BAHCC1: variants seen among roughly 807,000 people sequenced by gnomAD.
BAHCC1 encodes the protein BAH domain and coiled-coil containing 1, also known as BAH and coiled-coil domain-containing protein 1.
A neutral mutation model predicts 88.2 loss-of-function variants in BAHCC1; 43 were observed. The observed-to-expected ratio is 0.49, with a 90% CI of 0.38 to 0.63. The LOEUF (loss-of-function observed/expected upper bound fraction) is 0.63, where lower values mean the gene tolerates loss of function less well. Among genes scored for constraint, BAHCC1 ranks in the 20% least tolerant of loss-of-function variants. BAHCC1 has a pLI of 0.00. For synonymous variants in BAHCC1, 1,510 were observed against 745.5 expected (o/e 2.03, Z -16.71); for missense variants, 3,023 against 1,654.8 (o/e 1.83, Z -14.34).
At chr17:81,444,079 C>G in intron 6 of BAHCC1, 162 bp downstream of exon 6, 1 of 610,586 alleles carries the variant, frequency 1.6e-6, no homozygotes. Context: ...TTTCTGGAGT[C>G]TCACCCGGGG....
intron 2 of BAHCC1, among the ~76,000 whole-genome samples, chr17:81,414,323 G>T (rs982096047): frequency 6.6e-6 from 1 of 152,244 alleles, no homozygotes; most frequent in Non-Finnish European, 1.5e-5. Flanking sequence ...TCAGGAGGGC[G>T]CTGGTTCTCC....
Position 81,458,369 on chromosome 17 carries a change from C to T in BAHCC1, c.5246C>T (p.Ser1749Phe), listed in dbSNP as rs530913794. 4 of 725,636 alleles carry T rather than the reference C, an allele frequency of 5.5e-6. No individual in the cohort carries two copies. Among genetic ancestry groups the T allele is most frequent in the African/African-American group, 5.2e-5 (3 of 57,870 alleles). The allele number at this position is 725,636 out of a possible 1,614,324, so 44.9% of individuals were successfully genotyped here. A position where few individuals can be genotyped will look rare whatever the true frequency, so the allele number is the denominator to read the frequency against. Residue 1749 changes from serine (S) to phenylalanine (F), a missense_variant, in exon 18 of 28, where the codon TCT becomes TTT. Ser to Phe is a radical substitution (Grantham distance 155, BLOSUM62 -2). Transcript: ENST00000675386. ...TPSRDALFNPSRAFACREEGS... is the reference protein window; with the variant it reads ...TPSRDALFNPFRAFACREEGS... ...AGCAGGGACGCCCTCTTCAACCCCT[C>T]TCGGGCCTTCGCCTGCCGTGAGGAG... is the stretch of plus-strand genomic sequence containing the variant.
chr17:81,422,796 C>T, intron 2 of BAHCC1: 1 of 442,608 alleles, frequency 2.3e-6, no homozygotes, highest in Non-Finnish European at 4.5e-6. Flanking sequence ...TTCCCACCAT[C>T]CCGAGGAGGA....
chr17:81,451,801 C>T lies in BAHCC1; in HGVS notation c.4110C>T (p.Ser1370=), dbSNP rs2064640033. 7.9e-6 allele frequency: 6 copies of T among 760,544 alleles called. No homozygotes were observed. The highest frequency in any genetic ancestry group is 4.9e-5 in the East Asian group (2 of 40,918). 47.1% of individuals were successfully genotyped at this position (760,544 alleles called of 1,614,324 possible). ...AGCCGCCCACAGCCAACCCCTGCAG[C>T]GGCCCCAGGCTCACCCCCCGCATGC... The part of the protein sequence containing the change: ...PAQPPTANPC[S]GPRLTPRMQI... The change falls in exon 12 of 28, where the codon AGC becomes AGT. Residue 1370 remains serine (S), a synonymous_variant. Transcript: ENST00000675386.
intron 2 of BAHCC1, among the ~76,000 whole-genome samples, chr17:81,403,289 T>C (rs1486141922): frequency 7.2e-5 from 11 of 152,162 alleles, no homozygotes; most frequent in Non-Finnish European, 1.6e-4. Flanking sequence ...TTTCTCATCT[T>C]GGTTTCAATA....
chr17:81,451,668 A>T lies in BAHCC1; in HGVS notation c.3977A>T (p.Glu1326Val). The T allele has an allele frequency of 1.3e-6, 1 of 775,156 alleles. No homozygotes were observed. The highest frequency in any genetic ancestry group is 1.7e-5 in the Admixed American group (1 of 58,918). 48.0% of individuals were successfully genotyped at this position (775,156 alleles called of 1,614,324 possible). Reference sequence around the variant, plus strand: ...ATGCTGACCTTCCCATGCCGCACAGAGGAGGAAGAGGACGTGCTAGCCTTC... The same window carrying T: ...ATGCTGACCTTCCCATGCCGCACAGTGGAGGAAGAGGACGTGCTAGCCTTC... ...QRQRSERTVPEEEEDVLAFNL... is the reference protein window; with the variant it reads ...QRQRSERTVPVEEEDVLAFNL... The change falls in exon 12 of 28, where the codon GAG (glutamate) becomes GTG (valine). Residue 1326 changes from glutamate to valine, a missense_variant and splice_region_variant. Coordinates refer to ENST00000675386, the MANE Select transcript of BAHCC1 (RefSeq NM_001377448.1).
At chr17:81,444,232 G>A (rs2064478579) in intron 6 of BAHCC1, 149 bp from the exon 7 acceptor site, 2 of 617,308 alleles carry the variant, frequency 3.2e-6, no homozygotes, top group African/African-American at 1.8e-5. Flanking sequence ...TCCCTCCCAG[G>A]TTGATGGCAG....
At chr17:81,406,995 T>C (rs907379682) in intron 2 of BAHCC1, 12 of 456,142 alleles carry the variant, frequency 2.6e-5, no homozygotes, top group South Asian at 1.9e-4. Context: ...ACAGGTGGGC[T>C]GGGTTCCTGC....
chr17:81,416,928 G>T (rs1490126464), intron 2 of BAHCC1, among the ~76,000 whole-genome samples: 1 of 152,178 alleles, frequency 6.6e-6, no homozygotes, highest in Non-Finnish European at 1.5e-5. Flanking sequence ...GGCTCTGTCG[G>T]GGCTCATCCT....
At chr17:81,444,607 G>A (rs782517924) in intron 7 of BAHCC1, 39 bp downstream of exon 7, 58 of 749,434 alleles carry the variant, frequency 7.7e-5, no homozygotes, top group Non-Finnish European at 1.3e-4. Flanking sequence ...TGGGGCTGAT[G>A]AGGGTTCCCT....
Position 81,399,895 on chromosome 17 carries a change from G to A in BAHCC1, c.156G>A (p.Pro52=), listed in dbSNP as rs569387103. 9.0e-6 allele frequency: 13 copies of A among 1,447,012 alleles called. No individual in the cohort carries two copies. In the South Asian group the frequency reaches 9.5e-5, roughly 11 times the overall value. 89.6% of individuals were successfully genotyped at this position (1,447,012 alleles called of 1,614,324 possible). ...AGCCGGGAAAGTACTTCCCGTCGCCGTTGCCCATGGCTTCGCACACAGGTC... is the reference window on the plus strand; with the variant it reads ...AGCCGGGAAAGTACTTCCCGTCGCCATTGCCCATGGCTTCGCACACAGGTC... ...HFQPGKYFPS[P]LPMASHTASS... The change falls in exon 2 of 28, where the codon CCG becomes CCA. Residue 52 remains proline (P), a synonymous_variant. Coordinates refer to ENST00000675386, the MANE Select transcript of BAHCC1 (RefSeq NM_001377448.1). The surrounding 1 kb of genome is among the most constrained non-coding windows in gnomAD (Gnocchi z 4.5).
chr17:81,463,483 T>C, intron 27 of BAHCC1, 128 bp from the exon 28 acceptor site: 1 of 662,560 alleles, frequency 1.5e-6, no homozygotes, highest in Non-Finnish European at 2.8e-6. Flanking sequence ...CTCGGCCCCG[T>C]CTTCCGGCCA....
At chr17:81,403,256 G>T (rs942220551) in intron 2 of BAHCC1, among the ~76,000 whole-genome samples, 1 of 152,180 alleles carries the variant, frequency 6.6e-6, no homozygotes, top group East Asian at 1.9e-4. Context: ...CTCTCCAGGG[G>T]CCAGGGCTCC....
In BAHCC1 at chr17:81,462,056, G is replaced by T. The variant is rs1177211039; in HGVS notation, c.7383+10G>T. 2.7e-6 allele frequency: 2 copies of T among 734,980 alleles called. No homozygotes were observed. The highest frequency in any genetic ancestry group is 1.7e-5 in the African/African-American group (1 of 57,604). The allele number at this position is 734,980 out of a possible 1,614,324, so 45.5% of individuals were successfully genotyped here. A position where few individuals can be genotyped will look rare whatever the true frequency, so the allele number is the denominator to read the frequency against. On this transcript the variant is annotated intron_variant, in intron 26 of 27. Coordinates refer to ENST00000675386, the MANE Select transcript of BAHCC1 (RefSeq NM_001377448.1). The stretch of plus-strand genomic sequence containing the variant: ...GGGGAATCCCACACAGGTAGGTCCA[G>T]CGGGAGGCGGGAGGAGCTCCTGGTT...
intron 2 of BAHCC1, chr17:81,410,045 G>A: frequency 2.9e-6 from 1 of 345,846 alleles, no homozygotes; most frequent in South Asian, 2.0e-5. Context: ...CTGAGTCTAG[G>A]CCTCCTACCT....
In BAHCC1 at chr17:81,399,749, C is replaced by T. The variant is rs1451185334; in HGVS notation, c.10C>T (p.Arg4Cys). ...GGGGCCGGGGCCCGGCATGGATGGC[C>T]GCGACTTTGCGCCGCCGCCGCATCT... Reference protein sequence around the residue: MDGRDFAPPPHLLS... With the variant: MDGCDFAPPPHLLS... The change falls in exon 2 of 28, where the codon CGC becomes TGC. Residue 4 changes from arginine (R) to cysteine (C), a missense_variant. Arg to Cys is a radical substitution (Grantham distance 180). Transcript: ENST00000675386. The surrounding 1 kb of genome is among the most constrained non-coding windows in gnomAD (Gnocchi z 4.5). 6 of 1,165,458 alleles carry T rather than the reference C, an allele frequency of 5.1e-6. No individual in the cohort carries two copies. Among genetic ancestry groups the T allele is most frequent in the Non-Finnish European group, 6.3e-6 (6 of 946,832 alleles). 72.2% of individuals were successfully genotyped at this position (1,165,458 alleles called of 1,614,324 possible). A position where few individuals can be genotyped will look rare whatever the true frequency, so the allele number is the denominator to read the frequency against.
rs782251580 is a variant in BAHCC1 at position 81,458,270 on chromosome 17, C to T, written c.5147C>T (p.Pro1716Leu). ...GAGCGGGCCCCAGGGCAGAGGCCCC[C>T]AGGTGCGCTGGGCAAGAAGAAAGCC... ...TLERAPGQRP[P>L]GALGKKKAKG... is the part of the protein sequence containing the mutation. The change falls in exon 18 of 28, where the codon CCA becomes CTA. Residue 1716 changes from proline to leucine, a missense_variant. Coordinates refer to ENST00000675386, the MANE Select transcript of BAHCC1 (RefSeq NM_001377448.1). 1.3e-6 allele frequency: 1 copy of T among 747,150 alleles called. No homozygotes were observed. The highest frequency in any genetic ancestry group is 1.4e-5 in the South Asian group (1 of 69,856). The allele number at this position is 747,150 out of a possible 1,614,324, so 46.3% of individuals were successfully genotyped here.
At chr17:81,426,344 G>T (rs2064198225) in intron 2 of BAHCC1, among the ~76,000 whole-genome samples, 63 of 122,216 alleles carry the variant, frequency 5.2e-4, no homozygotes, top group African/African-American at 1.8e-3. Context: ...GGTGATAGTC[G>T]TGGGTGATGT....
In BAHCC1 at chr17:81,419,788, C is replaced by CTTTTTTTTTT. The variant is rs781909536; in HGVS notation, c.179-7012_179-7011insTTTTTTTTTT. Among the ~76,000 whole-genome samples, 3 of 102,310 alleles carry CTTTTTTTTTT rather than the reference C, an allele frequency of 2.9e-5. 1 individual carries two copies. The highest frequency in any genetic ancestry group is 3.9e-5 in the Non-Finnish European group (2 of 50,710). 67.1% of individuals were successfully genotyped at this position (102,310 alleles called of 152,430 possible). On this transcript the variant is annotated intron_variant, in intron 2 of 27. Transcript: ENST00000675386. Reference sequence around the variant, plus strand: ...TGGAGCTGCCGCCATCTCAACGAGGCGTTTTTTTTTTTTTTTTTTTTTACA... The same window carrying CTTTTTTTTTT: ...TGGAGCTGCCGCCATCTCAACGAGGCTTTTTTTTTTGTTTTTTTTTTTTTTTTTTTTTACA...
Sources: gnomAD v4.1 joint callset for allele counts (sites outside exome capture counted in the v4.1 genomes callset) on GRCh38, gnomAD v4.1.1 for gene constraint, Gnocchi (gnomAD v3.1) non-coding constraint, MANE v1.5 for transcripts, NCBI Gene and HGNC (gene_info 2026-07-23, HGNC 2026-07-21) for gene names.